Variants in USO1 observed in about 807,000 individuals in gnomAD.
USO1 encodes general vesicular transport factor p115.
USO1 carries 57 observed loss-of-function variants against 124.5 expected under a neutral mutation model. That is an observed-to-expected ratio of 0.46 (90% CI 0.37 to 0.57). USO1 has a LOEUF of 0.57. Ranked by LOEUF, USO1 falls within the 20% of genes least tolerant of loss-of-function variation. USO1 has a pLI of 0.00. For missense variants in USO1, 900 were observed against 1,040.6 expected (o/e 0.86, Z 1.86); for synonymous variants, 369 against 362.8 (o/e 1.02, Z -0.19).
At chr4:75,788,700 G>A (rs750865573) in intron 10 of USO1, among the ~76,000 whole-genome samples, 2 of 151,572 alleles carry the variant, frequency 1.3e-5, no homozygotes, top group African/African-American at 2.4e-5. Context: ...CTGCCACCAT[G>A]CCCAGCTAAT....
intron 1 of USO1, among the ~76,000 whole-genome samples, chr4:75,738,120 A>G (rs1720848382): frequency 6.6e-6 from 1 of 151,538 alleles, no homozygotes; most frequent in African/African-American, 2.4e-5. Context: ...GGTATGAGTC[A>G]TTGGGCCTGG....
At chr4:75,770,361 A>G in intron 4 of USO1, 78 bp from the exon 5 acceptor site, 2 of 1,326,540 alleles carry the variant, frequency 1.5e-6, no homozygotes, top group Middle Eastern at 2.5e-4. Context: ...ATTATCATTC[A>G]CGCTTAACTC....
intron 4 of USO1, among the ~76,000 whole-genome samples, chr4:75,762,240 G>A (rs1041608463): frequency 4.2e-5 from 6 of 141,726 alleles, no homozygotes; most frequent in African/African-American, 1.1e-4. Context: ...GCACAGTCTC[G>A]GCTCACTGCA....
intron 1 of USO1, among the ~76,000 whole-genome samples, chr4:75,742,424 G>A (rs997016190): frequency 1.3e-5 from 2 of 152,168 alleles, no homozygotes; most frequent in African/African-American, 4.8e-5. Flanking sequence ...CGTAGGCCAT[G>A]CGTATTTTAA....
chr4:75,737,969 G>A (rs989436820), intron 1 of USO1, among the ~76,000 whole-genome samples: 12 of 151,230 alleles, frequency 7.9e-5, no homozygotes, highest in African/African-American at 2.2e-4. Flanking sequence ...CTGGGATCAC[G>A]GGCATGTGCC....
chr4:75,783,401 G>A (rs777935411), intron 9 of USO1, among the ~76,000 whole-genome samples: 1 of 152,114 alleles, frequency 6.6e-6, no homozygotes, highest in Non-Finnish European at 1.5e-5. Context: ...GATCCTTTAT[G>A]GTGAAAGCTT....
Position 75,813,544 on chromosome 4 carries a change from A to G in USO1, c.*249A>G, listed in dbSNP as rs545047122. Reference sequence around the variant, plus strand: ...AAAATGTAATTTGCAAAGAGCTTCAAACACCAAAAATATACCATTTTAAGG... The same window carrying G: ...AAAATGTAATTTGCAAAGAGCTTCAGACACCAAAAATATACCATTTTAAGG... On this transcript the variant is annotated 3_prime_UTR_variant, in exon 24 of 24. Transcript: ENST00000514213. 116 of 294,024 alleles carry G rather than the reference A, an allele frequency of 3.9e-4. 1 individual carries two copies. The East Asian group carries it at 6.4e-3, about 16-fold the overall frequency. 18.2% of individuals were successfully genotyped at this position (294,024 alleles called of 1,614,324 possible).
intron 19 of USO1, 22 bp from the exon 20 acceptor site, chr4:75,806,464 T>A: frequency 6.4e-7 from 1 of 1,551,684 alleles, no homozygotes; most frequent in Non-Finnish European, 8.7e-7. Flanking sequence ...TATTTTATAG[T>A]TTATTTTTGT....
intron 1 of USO1, among the ~76,000 whole-genome samples, chr4:75,743,548 C>A (rs1379203425): frequency 6.6e-6 from 1 of 152,056 alleles, no homozygotes; most frequent in East Asian, 1.9e-4. Flanking sequence ...TGTCTCTTTG[C>A]CATTATAGTT....
chr4:75,797,292 AT>A (rs1165239359), intron 13 of USO1, among the ~76,000 whole-genome samples: 1 of 151,972 alleles, frequency 6.6e-6, no homozygotes, highest in Non-Finnish European at 1.5e-5. Flanking sequence ...TGAGATACAG[AT>A]CCACTGATCT....
chr4:75,739,592 G>A (rs1187923412), intron 1 of USO1, among the ~76,000 whole-genome samples: 2 of 141,606 alleles, frequency 1.4e-5, no homozygotes, highest in East Asian at 4.3e-4. Context: ...CCAGGGTGGA[G>A]TGCAGTGGCG....
intron 8 of USO1, among the ~76,000 whole-genome samples, chr4:75,777,504 CAAT>C (rs932591741): frequency 6.6e-6 from 1 of 152,030 alleles, no homozygotes; most frequent in African/African-American, 2.4e-5. Context: ...AATAAGAAAA[CAAT>C]AAGCCAATTT....
chr4:75,780,151 G>A (rs1560451363), intron 8 of USO1, among the ~76,000 whole-genome samples: 1 of 152,174 alleles, frequency 6.6e-6, no homozygotes. Context: ...TTCTGTGTAA[G>A]AGCATGGTTT....
In USO1 at chr4:75,810,451, A is replaced by G. The variant is rs1402616156; in HGVS notation, c.2495A>G (p.Gln832Arg). The G allele has an allele frequency of 1.2e-6, 2 of 1,611,952 alleles. No homozygotes were observed. The highest frequency in any genetic ancestry group is 1.7e-6 in the Non-Finnish European group (2 of 1,179,226). Residue 832 changes from glutamine (Q) to arginine (R), a missense_variant, in exon 22 of 24, where the codon CAA becomes CGA. Physicochemically the swap from Gln to Arg is conservative, Grantham distance 43 (BLOSUM62 1). Transcript: ENST00000514213. Reference protein sequence around the residue: ...TEAFAKSVEVQGETETIIATK... With the variant: ...TEAFAKSVEVRGETETIIATK... ...TTTCAGGCAAAATCAGTTGAGGTAC[A>G]AGGAGAGACCGAGACTATAATAGCC...
chr4:75,748,815 A>G (rs1721210002), intron 1 of USO1, among the ~76,000 whole-genome samples: 1 of 152,160 alleles, frequency 6.6e-6, no homozygotes, highest in African/African-American at 2.4e-5. Flanking sequence ...TGAGCAAAAG[A>G]TGTACAAGTC....
intron 3 of USO1, among the ~76,000 whole-genome samples, chr4:75,754,473 G>C (rs927095659): frequency 2.0e-5 from 3 of 152,198 alleles, no homozygotes; most frequent in African/African-American, 7.2e-5. Flanking sequence ...AGTTGAATGT[G>C]TCTTACAAGC....
chr4:75,800,805 A>C lies in USO1; in HGVS notation c.1864+6A>C. 1 of 1,610,948 alleles carries C rather than the reference A, an allele frequency of 6.2e-7. No homozygotes were observed. The highest frequency in any genetic ancestry group is 1.1e-5 in the South Asian group (1 of 90,620). ...GCTGGTAAAAGAACTTGAAGGTAAG[A>C]CTGAAGATTTATATTGATATTTGAT... On this transcript the variant is annotated splice_donor_region_variant and intron_variant, in intron 16 of 23. Transcript: ENST00000514213.
intron 4 of USO1, among the ~76,000 whole-genome samples, chr4:75,763,039 C>A (rs933783762): frequency 6.6e-6 from 1 of 152,210 alleles, no homozygotes; most frequent in African/African-American, 2.4e-5. Flanking sequence ...TAGGATATCT[C>A]CTTTTATAAA....
At chr4:75,757,399 G>C in intron 3 of USO1, 98 bp from the exon 4 acceptor site, 1 of 1,167,094 alleles carries the variant, frequency 8.6e-7, no homozygotes, top group South Asian at 1.8e-5. Context: ...TATGCCTTTA[G>C]AAATGGAATT....
Sources: gnomAD v4.1 joint callset for allele counts (sites outside exome capture counted in the v4.1 genomes callset) on GRCh38, gnomAD v4.1.1 for gene constraint, MANE v1.5 for transcripts, NCBI Gene and HGNC (gene_info 2026-07-23, HGNC 2026-07-21) for gene names.